The following DLG5 variants were observed in gnomAD, a reference collection of about 807,000 sequenced individuals.
DLG5 encodes discs large MAGUK scaffold protein 5.
DLG5 carries 48 observed loss-of-function variants against 189.8 expected under a neutral mutation model. That is an observed-to-expected ratio of 0.25 (90% CI 0.20 to 0.32). The LOEUF is 0.32. Ranked by LOEUF, DLG5 falls within the 10% of genes least tolerant of loss-of-function variation. The pLI is 1.00. For missense variants in DLG5, 2,160 were observed against 2,544.7 expected (o/e 0.85, Z 3.25); for synonymous variants, 1,016 against 1,054.1 (o/e 0.96, Z 0.70).
chr10:77,907,323 TATCTC>T (rs776890884), intron 1 of DLG5, among the ~76,000 whole-genome samples: 7 of 152,146 alleles, frequency 4.6e-5, no homozygotes, highest in Non-Finnish European at 7.4e-5. Flanking sequence ...TCATGCCTGT[TATCTC>T]AGCACTTTGG....
At chr10:77,872,406 T>G (rs1200058913) in intron 1 of DLG5, among the ~76,000 whole-genome samples, 1 of 152,210 alleles carries the variant, frequency 6.6e-6, no homozygotes, top group African/African-American at 2.4e-5. Flanking sequence ...CTCTTCCCTG[T>G]CCCTGCAGTC....
chr10:77,832,191 C>CA (rs911895882), intron 9 of DLG5, among the ~76,000 whole-genome samples: 17 of 145,976 alleles, frequency 1.2e-4, no homozygotes, highest in East Asian at 4.0e-4. Flanking sequence ...CTGGGCATCT[C>CA]AAAAAAAAAA....
intron 1 of DLG5, among the ~76,000 whole-genome samples, chr10:77,880,184 T>G (rs756466397): frequency 1.4e-4 from 21 of 152,218 alleles, no homozygotes; most frequent in Non-Finnish European, 2.5e-4. Flanking sequence ...CCGGGTGCAG[T>G]GGCTCACACC....
Position 77,817,030 on chromosome 10 carries a change from C to A in DLG5, c.3851G>T (p.Arg1284Leu). Residue 1284 changes from arginine to leucine, a missense_variant, in exon 19 of 32, where the codon CGG (arginine) becomes CTG (leucine). Around this residue, in one of 5 missense-constraint regions of DLG5, gnomAD observed 754 missense variants for 746.5 expected, o/e 1.01. Transcript: ENST00000372391. ...ACCTCTCTCGGAGCCCACGACACTC[C>A]GCGGATATCTTGGTGTTGATGGGAT... ...IKIPSTPRYP[R>L]SVVGSERGSV... The A allele has an allele frequency of 6.2e-7, 1 of 1,614,110 alleles. No homozygotes were observed. Among genetic ancestry groups the A allele is most frequent in the Non-Finnish European group, 8.5e-7 (1 of 1,180,038 alleles).
chr10:77,836,023 C>G, intron 7 of DLG5, 101 bp from the exon 8 acceptor site: 1 of 1,289,182 alleles, frequency 7.8e-7, no homozygotes, highest in Non-Finnish European at 1.1e-6. Flanking sequence ...CTCTAGGGAG[C>G]TGGATGGAGG....
intron 5 of DLG5, among the ~76,000 whole-genome samples, chr10:77,846,323 G>A (rs1843690398): frequency 6.6e-6 from 1 of 152,204 alleles, no homozygotes; most frequent in African/African-American, 2.4e-5. Context: ...GTCAACCAAC[G>A]CCTTCTACCC....
chr10:77,797,698 G>A (rs748041128), intron 27 of DLG5, among the ~76,000 whole-genome samples: 21 of 152,174 alleles, frequency 1.4e-4, no homozygotes, highest in Non-Finnish European at 2.6e-4. Flanking sequence ...TTGGCCTGGA[G>A]GGATCTGTAC....
At chr10:77,824,588 G>A in intron 13 of DLG5, 112 bp from the exon 14 acceptor site, 1 of 809,058 alleles carries the variant, frequency 1.2e-6, no homozygotes, top group Non-Finnish European at 2.0e-6. Flanking sequence ...AATGCAAGGT[G>A]CCAAAGTCAG....
chr10:77,898,985 C>T (rs575611140), intron 1 of DLG5, among the ~76,000 whole-genome samples: 1 of 152,328 alleles, frequency 6.6e-6, no homozygotes, highest in East Asian at 1.9e-4. Flanking sequence ...GCAGGTAGCA[C>T]CCCAGACCTG....
chr10:77,822,558 C>T (rs183069541), intron 14 of DLG5, among the ~76,000 whole-genome samples: 9 of 152,274 alleles, frequency 5.9e-5, no homozygotes, highest in Admixed American at 5.2e-4. Context: ...GCAGGAGAAT[C>T]GCTTGAACCC....
At chr10:77,856,232 G>A (rs1844220419) in intron 3 of DLG5, among the ~76,000 whole-genome samples, 1 of 152,006 alleles carries the variant, frequency 6.6e-6, no homozygotes, top group Admixed American at 6.6e-5. Flanking sequence ...CACACCTATA[G>A]TCCCAGCTAC....
rs145909143 is a variant in DLG5 at position 77,915,408 on chromosome 10, T to C, written c.304+10809A>G. Reference sequence around the variant, plus strand: ...GGGGAAACGTAAAAAAATGATGGTATACGTTGATGCTCCAGTTTCACACAT... The same window carrying C: ...GGGGAAACGTAAAAAAATGATGGTACACGTTGATGCTCCAGTTTCACACAT... On this transcript the variant is annotated intron_variant, in intron 1 of 31. Transcript: ENST00000372391. Among the ~76,000 whole-genome samples the C allele has an allele frequency of 3.9e-5, 6 of 152,252 alleles. No homozygotes were observed. The East Asian group carries it at 9.6e-4, about 24-fold the overall frequency.
At chr10:77,814,907 A>G (rs1413347238) in intron 20 of DLG5, among the ~76,000 whole-genome samples, 1 of 152,114 alleles carries the variant, frequency 6.6e-6, no homozygotes, top group East Asian at 1.9e-4. Context: ...ACAAGTATAA[A>G]ATACTGTACT....
chr10:77,917,754 C>T (rs1390171241), intron 1 of DLG5, among the ~76,000 whole-genome samples: 3 of 152,008 alleles, frequency 2.0e-5, no homozygotes, highest in African/African-American at 4.8e-5. Context: ...TGGCTGGGCG[C>T]AGTGGCTCAC....
At chr10:77,919,609 T>C (rs1846475850) in intron 1 of DLG5, among the ~76,000 whole-genome samples, 1 of 139,622 alleles carries the variant, frequency 7.2e-6, no homozygotes, top group African/African-American at 2.9e-5. Context: ...TTTTTTTTTT[T>C]TTTAAAGAAA....
intron 9 of DLG5, 56 bp downstream of exon 9, chr10:77,833,858 G>A (rs1842992106): frequency 3.1e-6 from 5 of 1,590,140 alleles, no homozygotes; most frequent in Non-Finnish European, 4.3e-6. Context: ...AGAAGGGAGA[G>A]GGGCCCCAGG....
chr10:77,835,968 A>G, intron 7 of DLG5, 46 bp from the exon 8 acceptor site: 1 of 1,577,928 alleles, frequency 6.3e-7, no homozygotes, highest in Non-Finnish European at 8.6e-7. Flanking sequence ...GCTGAGCCTC[A>G]TGGACCAGGA....
At chr10:77,815,743 A>G (rs2154575437) in intron 20 of DLG5, among the ~76,000 whole-genome samples, 1 of 152,346 alleles carries the variant, frequency 6.6e-6, no homozygotes, top group Middle Eastern at 3.4e-3. Context: ...CTGGACTCAA[A>G]TGAAAGAGAG....
intron 5 of DLG5, among the ~76,000 whole-genome samples, chr10:77,844,622 C>T (rs756743359): frequency 1.3e-5 from 2 of 152,298 alleles, no homozygotes; most frequent in East Asian, 1.9e-4. Flanking sequence ...GACAGAAAGA[C>T]GCTGTGCCCT....
Sources: gnomAD v4.1 joint callset for allele counts (sites outside exome capture counted in the v4.1 genomes callset) on GRCh38, gnomAD v4.1.1 for gene constraint, gnomAD v4.1.1 regional missense constraint, MANE v1.5 for transcripts, NCBI Gene and HGNC (gene_info 2026-07-23, HGNC 2026-07-21) for gene names.